Variants in EGFLAM observed in about 807,000 individuals in gnomAD.
EGFLAM encodes pikachurin.
EGFLAM carries 79 observed loss-of-function variants against 113.1 expected under a neutral mutation model. That is an observed-to-expected ratio of 0.70 (90% CI 0.58 to 0.84). EGFLAM has a LOEUF of 0.84. Among genes scored for constraint, EGFLAM ranks in the 40% least tolerant of loss-of-function variants. EGFLAM has a pLI of 0.00. For missense variants in EGFLAM, 1,265 were observed against 1,291.6 expected, an observed-to-expected ratio of 0.98 and a Z score of 0.32; for synonymous variants, 504 against 487.6, an observed-to-expected ratio of 1.03 and a Z score of -0.44.
chr5:38,300,031 A>G (rs10214244), intron 1 of EGFLAM, among the ~76,000 whole-genome samples: 6,127 of 152,294 alleles, frequency 0.04, 429 homozygotes, highest in African/African-American at 0.14. Flanking sequence ...AAAAGTAAGA[A>G]GTGTTGCCAA....
At chr5:38,444,565 C>G (rs1742646962) in intron 17 of EGFLAM, among the ~76,000 whole-genome samples, 1 of 152,112 alleles carries the variant, frequency 6.6e-6, no homozygotes, top group African/African-American at 2.4e-5. Context: ...CTATGTACCC[C>G]ATAAATATGT....
intron 19 of EGFLAM, among the ~76,000 whole-genome samples, chr5:38,454,833 G>T (rs879739420): frequency 6.6e-6 from 1 of 152,110 alleles, no homozygotes; most frequent in Non-Finnish European, 1.5e-5. Flanking sequence ...GTGCTCAAAG[G>T]CTTTCTGCCA....
intron 6 of EGFLAM, chr5:38,401,337 A>T (rs1241258717): frequency 2.6e-5 from 4 of 152,184 alleles, no homozygotes; most frequent in Non-Finnish European, 5.9e-5. Flanking sequence ...TGCCAAAAAA[A>T]ATTGTGCAAT....
chr5:38,422,178 T>C (rs922055914), intron 12 of EGFLAM, among the ~76,000 whole-genome samples: 19 of 152,272 alleles, frequency 1.2e-4, no homozygotes, highest in Admixed American at 7.2e-4. Context: ...AGGAGTCTTA[T>C]TTCTCTTCTA....
At chr5:38,309,399 A>T (rs1346814462) in intron 1 of EGFLAM, among the ~76,000 whole-genome samples, 1 of 152,184 alleles carries the variant, frequency 6.6e-6, no homozygotes, top group South Asian at 2.1e-4. Flanking sequence ...TAATGAAAAC[A>T]TTTCACTCTT....
At chr5:38,315,833 T>G (rs1295234048) in intron 1 of EGFLAM, among the ~76,000 whole-genome samples, 2 of 152,174 alleles carry the variant, frequency 1.3e-5, no homozygotes, top group Admixed American at 6.5e-5. Context: ...TTTAGCACTT[T>G]GGGAAGCCGA....
chr5:38,350,700 C>T, intron 4 of EGFLAM, 82 bp downstream of exon 4: 1 of 1,321,566 alleles, frequency 7.6e-7, no homozygotes, highest in South Asian at 1.3e-5. Context: ...TAGGGACTTA[C>T]TATGTGCCAA....
chr5:38,409,535 C>G (rs544396252), intron 10 of EGFLAM, among the ~76,000 whole-genome samples: 1 of 152,186 alleles, frequency 6.6e-6, no homozygotes, highest in Non-Finnish European at 1.5e-5. Context: ...TTGGATGTAA[C>G]TGGTGCTGTA....
At chr5:38,280,426 G>C (rs1757985709) in intron 1 of EGFLAM, among the ~76,000 whole-genome samples, 1 of 152,198 alleles carries the variant, frequency 6.6e-6, no homozygotes, top group South Asian at 2.1e-4. Context: ...GGCTTCTTTG[G>C]GTTTAGCCAA....
Position 38,320,742 on chromosome 5 carries a change from T to TG in EGFLAM, c.98-16773dup, listed in dbSNP as rs1738717688. On this transcript the variant is annotated intron_variant, in intron 1 of 21. Coordinates refer to ENST00000322350, the MANE Select transcript of EGFLAM (RefSeq NM_152403.4). ...CCCAACCTGGGACCCCTCTGGGAGTTGGGGGTCTGCTAAAGGAGACAGGGC... is the reference window on the plus strand; with the variant it reads ...CCCAACCTGGGACCCCTCTGGGAGTTGGGGGGTCTGCTAAAGGAGACAGGGC... Among the ~76,000 whole-genome samples, 4 of 152,090 alleles carry TG rather than the reference T, an allele frequency of 2.6e-5. No individual in the cohort carries two copies. In the South Asian group the frequency reaches 8.3e-4, roughly 32 times the overall value.
rs113504341 is a variant in EGFLAM at position 38,350,594 on chromosome 5, C to T, written c.385C>T (p.Arg129Trp). ...QAGKGRLSSP[R>W]HVTTLSQDSC... ...TGGCAAAGGGCGGCTGAGCTCTCCT[C>T]GGCATGTCACCACTTTGTCCCAAGG... Residue 129 changes from arginine (R) to tryptophan (W), a missense_variant, in exon 4 of 22, where the codon CGG (arginine) becomes TGG (tryptophan). Transcript: ENST00000322350. The T allele has an allele frequency of 4.5e-5, 73 of 1,613,990 alleles. No individual in the cohort carries two copies. The highest frequency in any genetic ancestry group is 1.6e-4 in the Middle Eastern group (1 of 6,062).
chr5:38,393,692 C>T (rs1447079379), intron 6 of EGFLAM, among the ~76,000 whole-genome samples: 1 of 152,216 alleles, frequency 6.6e-6, no homozygotes, highest in African/African-American at 2.4e-5. Context: ...GGAACCAGAG[C>T]GAACGAATGC....
chr5:38,370,402 G>A lies in EGFLAM; in HGVS notation c.652G>A (p.Ala218Thr). The change falls in exon 6 of 22, where the codon GCA becomes ACA. Residue 218 changes from alanine to threonine, a missense_variant. Physicochemically the swap from Ala to Thr is moderately conservative, Grantham distance 58. Coordinates refer to ENST00000322350, the MANE Select transcript of EGFLAM (RefSeq NM_152403.4). ...TACCAACTACCAGTTTGCCGTGAGG[G>A]CAATGAATTCCCATGGCCCCAGCCC... ...PDTNYQFAVR[A>T]MNSHGPSPRS... 6.2e-7 allele frequency: 1 copy of A among 1,614,176 alleles called. No individual in the cohort carries two copies. Among genetic ancestry groups the A allele is most frequent in the Non-Finnish European group, 8.5e-7 (1 of 1,180,036 alleles).
At chr5:38,298,401 C>T (rs1758497985) in intron 1 of EGFLAM, among the ~76,000 whole-genome samples, 1 of 152,194 alleles carries the variant, frequency 6.6e-6, no homozygotes, top group Non-Finnish European at 1.5e-5. Flanking sequence ...TCCCTAGGGG[C>T]ATGGTGCTGT....
chr5:38,354,732 A>C (rs979771233), intron 5 of EGFLAM, among the ~76,000 whole-genome samples: 2 of 151,770 alleles, frequency 1.3e-5, no homozygotes, highest in African/African-American at 2.4e-5. Flanking sequence ...TCTGTCTCCC[A>C]AAAAAAAATC....
At chr5:38,289,177 A>G in intron 1 of EGFLAM, among the ~76,000 whole-genome samples, 1 of 151,694 alleles carries the variant, frequency 6.6e-6, no homozygotes, top group Non-Finnish European at 1.5e-5. Context: ...TCTTCCTTTC[A>G]GTTTGCTAAG....
Position 38,418,255 on chromosome 5 carries a change from G to C in EGFLAM, c.1684G>C (p.Gly562Arg), listed in dbSNP as rs868504934. Residue 562 changes from glycine (G) to arginine (R), a missense_variant and splice_region_variant, in exon 12 of 22, where the codon GGG becomes CGG. Gly to Arg is a moderately radical substitution (Grantham distance 125, BLOSUM62 -2). Coordinates refer to ENST00000322350, the MANE Select transcript of EGFLAM (RefSeq NM_152403.4). The stretch of plus-strand genomic sequence containing the variant: ...AAAAGCACTCAGTGGGGCTGATGTG[G>C]GTAAGTGGCTGCCTGGTGGGTTGGG... Reference protein sequence around the residue: ...LGKALSGADVGECSSGICDEA... With the variant: ...LGKALSGADVRECSSGICDEA... The C allele has an allele frequency of 6.2e-7, 1 of 1,612,866 alleles. No individual in the cohort carries two copies. Among genetic ancestry groups the C allele is most frequent in the Non-Finnish European group, 8.5e-7 (1 of 1,179,452 alleles).
Position 38,293,943 on chromosome 5 carries a change from C to G in EGFLAM, c.97+35092C>G, listed in dbSNP as rs192363214. The stretch of plus-strand genomic sequence containing the variant: ...CTCATACTCACTCCAGGTGCTCACT[C>G]ATTAAGCACCCTCTATATTACTGTT... On this transcript the variant is annotated intron_variant, in intron 1 of 21. Coordinates refer to ENST00000322350, the MANE Select transcript of EGFLAM (RefSeq NM_152403.4). Among the ~76,000 whole-genome samples, 8 of 152,326 alleles carry G rather than the reference C, an allele frequency of 5.3e-5. No homozygotes were observed. In the East Asian group the frequency reaches 1.5e-3, roughly 29 times the overall value.
Position 38,351,273 on chromosome 5 carries a change from T to A in EGFLAM, c.409+655T>A, listed in dbSNP as rs562263107. Among the ~76,000 whole-genome samples, 6 of 152,234 alleles carry A rather than the reference T, an allele frequency of 3.9e-5. No individual in the cohort carries two copies. In the South Asian group the frequency reaches 1.2e-3, roughly 32 times the overall value. On this transcript the variant is annotated intron_variant, in intron 4 of 21. Coordinates refer to ENST00000322350, the MANE Select transcript of EGFLAM (RefSeq NM_152403.4). ...ATAGTCACATGCCATCACACCTGGC[T>A]AATTTTTGCATTTTTAGTAGAGATG...
Sources: gnomAD v4.1 joint callset for allele counts (sites outside exome capture counted in the v4.1 genomes callset) on GRCh38, gnomAD v4.1.1 for gene constraint, MANE v1.5 for transcripts, NCBI Gene and HGNC (gene_info 2026-07-23, HGNC 2026-07-21) for gene names.